The following LRRC41 variants were observed in gnomAD, a reference collection of about 807,000 sequenced individuals.
The protein encoded by LRRC41 is leucine rich repeat containing 41.
In LRRC41, 17 loss-of-function variants were observed where a neutral mutation model predicts 72.1. The ratio of observed to expected loss-of-function variants is 0.24; its 90% CI spans 0.16 to 0.35. The LOEUF is 0.35. LRRC41 is among the 10% of genes least tolerant of loss of function. The probability of loss-of-function intolerance (pLI) is 1.00; values close to 1 mark genes in which losing one functional copy is unlikely to be tolerated. For synonymous variants in LRRC41, 427 were observed against 431.0 expected, an observed-to-expected ratio of 0.99 and a Z score of 0.11; for missense variants, 759 against 1,065.0, an observed-to-expected ratio of 0.71 and a Z score of 4.00.
At position 46,302,224 on chromosome 1, in the gene LRRC41, C is replaced by A. The variant is rs1661249681; in HGVS notation, c.199+900G>T. On this transcript the variant is annotated intron_variant, in intron 1 of 9. Coordinates refer to ENST00000617190, the MANE Select transcript of LRRC41 (RefSeq NM_006369.5). This position sits in a 1 kb window ranked among gnomAD's most constrained non-coding sequence, Gnocchi z 4.7. Reference sequence around the variant, plus strand: ...AGCCCAAGGCCTCTTGGCGGCGCCGCGCCCCCTGCCACGGCAGCCCGGCAG... The same window carrying A: ...AGCCCAAGGCCTCTTGGCGGCGCCGAGCCCCCTGCCACGGCAGCCCGGCAG... 1 of 985,296 alleles carries A rather than the reference C, an allele frequency of 1.0e-6. No individual in the cohort carries two copies. The highest frequency in any genetic ancestry group is 4.7e-5 in the South Asian group (1 of 21,294). The allele number at this position is 985,296 out of a possible 1,614,324, so 61.0% of individuals were successfully genotyped here. A position where few individuals can be genotyped will look rare whatever the true frequency, so the allele number is the denominator to read the frequency against.
Position 46,277,936 on chromosome 1 carries a change from G to A in LRRC41, c.*929C>T, listed in dbSNP as rs1394442822. 6 of 1,614,022 alleles carry A rather than the reference G, an allele frequency of 3.7e-6. No individual in the cohort carries two copies. The highest frequency in any genetic ancestry group is 1.3e-5 in the African/African-American group (1 of 74,914). ...ACTTCTCTCTGGGCGAGTTGAAGGAGCTGTTTATCCTGGATGAAGCTAGCC... is the reference window on the plus strand; with the variant it reads ...ACTTCTCTCTGGGCGAGTTGAAGGAACTGTTTATCCTGGATGAAGCTAGCC... On this transcript the variant is annotated 3_prime_UTR_variant, in exon 10 of 10. Transcript: ENST00000617190.
Position 46,302,548 on chromosome 1 carries a change from C to G in LRRC41, c.199+576G>C. ...CCCGACCCTTTCGTTCGGCCTCTCC[C>G]CCTGCCCCATTCCCTCGCTCTCCAA... On this transcript the variant is annotated intron_variant, in intron 1 of 9. Transcript: ENST00000617190. The surrounding 1 kb of genome is among the most constrained non-coding windows in gnomAD (Gnocchi z 4.7). 13 of 985,400 alleles carry G rather than the reference C, an allele frequency of 1.3e-5. No homozygotes were observed. The highest frequency in any genetic ancestry group is 1.6e-5 in the Non-Finnish European group (13 of 829,900). The allele number at this position is 985,400 out of a possible 1,614,324, so 61.0% of individuals were successfully genotyped here. A position where few individuals can be genotyped will look rare whatever the true frequency, so the allele number is the denominator to read the frequency against.
chr1:46,301,768 G>T (rs565638815), intron 1 of LRRC41, among the ~76,000 whole-genome samples: 1 of 151,924 alleles, frequency 6.6e-6, no homozygotes, highest in South Asian at 2.1e-4. Context: ...ACGGCCACCC[G>T]CAAGGCCTCC....
At chr1:46,291,688 T>C (rs557918728) in intron 3 of LRRC41, among the ~76,000 whole-genome samples, 2 of 150,998 alleles carry the variant, frequency 1.3e-5, no homozygotes, top group African/African-American at 4.9e-5. Flanking sequence ...GCCTCTTGAG[T>C]AGCTGGGACT....
At chr1:46,298,531 A>T (rs1405067071) in intron 1 of LRRC41, 161 bp from the exon 2 acceptor site, 1 of 496,808 alleles carries the variant, frequency 2.0e-6, no homozygotes, top group Non-Finnish European at 3.6e-6. Flanking sequence ...TCCAAACTCT[A>T]GTCCACTTAT....
At position 46,277,856 on chromosome 1, in the gene LRRC41, C is replaced by T. The variant is rs765850609; in HGVS notation, c.*1009G>A. On this transcript the variant is annotated 3_prime_UTR_variant, in exon 10 of 10. Coordinates refer to ENST00000617190, the MANE Select transcript of LRRC41 (RefSeq NM_006369.5). ...GGAGAAGATCTTCCAGCGTCAGAGC[C>T]ACAAGAAGGCACTGAGCAGCTGTGT... 6.2e-7 allele frequency: 1 copy of T among 1,613,296 alleles called. No homozygotes were observed. Among genetic ancestry groups the T allele is most frequent in the Non-Finnish European group, 8.5e-7 (1 of 1,179,406 alleles).
At chr1:46,299,999 T>C (rs1463240071) in intron 1 of LRRC41, 1 of 152,194 alleles carries the variant, frequency 6.6e-6, no homozygotes, top group Non-Finnish European at 1.5e-5. Context: ...GCTCGCTAAA[T>C]GTTGGTGGTT....
In LRRC41 at chr1:46,302,687, C is replaced by T; in HGVS notation, c.199+437G>A. 7 of 985,410 alleles carry T rather than the reference C, an allele frequency of 7.1e-6. No homozygotes were observed. The highest frequency in any genetic ancestry group is 8.4e-6 in the Non-Finnish European group (7 of 829,918). The allele number at this position is 985,410 out of a possible 1,614,324, so 61.0% of individuals were successfully genotyped here. A position where few individuals can be genotyped will look rare whatever the true frequency, so the allele number is the denominator to read the frequency against. ...TCAGTCAGGTTCGGTGGCCCCGGGC[C>T]TGGCCTGGCCTTGCCTTAGGCCGGG... On this transcript the variant is annotated intron_variant, in intron 1 of 9. Transcript: ENST00000617190. The surrounding 1 kb of genome is among the most constrained non-coding windows in gnomAD (Gnocchi z 4.7).
chr1:46,299,179 G>C (rs1385546476), intron 1 of LRRC41: 1 of 152,220 alleles, frequency 6.6e-6, no homozygotes. Flanking sequence ...GGACAAATCT[G>C]AGTGCAATCC....
Position 46,303,454 on chromosome 1 carries a change from C to T in LRRC41, c.-132G>A, listed in dbSNP as rs1020960944. On this transcript the variant is annotated 5_prime_UTR_variant, in exon 1 of 10. Transcript: ENST00000617190. ...TCTAAAGAAATTTCGAAGAAATTAG[C>T]ACACTTTCCAAGTCTCTTAGGAGCT... 8 of 918,156 alleles carry T rather than the reference C, an allele frequency of 8.7e-6. No individual in the cohort carries two copies. Among genetic ancestry groups the T allele is most frequent in the Non-Finnish European group, 1.1e-5 (7 of 631,556 alleles). The allele number at this position is 918,156 out of a possible 1,614,324, so 56.9% of individuals were successfully genotyped here.
rs1660885187 is a variant in LRRC41 at position 46,286,403 on chromosome 1, G to T, written c.454C>A (p.Gln152Lys). 1.2e-6 allele frequency: 2 copies of T among 1,614,166 alleles called. No individual in the cohort carries two copies. The highest frequency in any genetic ancestry group is 4.5e-5 in the East Asian group (2 of 44,884). Residue 152 changes from glutamine to lysine, a missense_variant, in exon 4 of 10, where the codon CAG (glutamine) becomes AAG (lysine). Gln to Lys is a moderately conservative substitution (Grantham distance 53, BLOSUM62 1). Transcript: ENST00000617190. This position sits in a 1 kb window ranked among gnomAD's most constrained non-coding sequence, Gnocchi z 5.5. ...DVSSDRRLCD[Q>K]RFSPLLHSSR... ...CTGTGCAGAAGAGGTGAGAACCGCT[G>T]ATCACAAAGACGCCTGTCAGAAGAC... is the stretch of plus-strand genomic sequence containing the variant.
intron 3 of LRRC41, among the ~76,000 whole-genome samples, chr1:46,292,056 A>G (rs1320131017): frequency 1.3e-5 from 2 of 151,898 alleles, no homozygotes; most frequent in Non-Finnish European, 2.9e-5. Flanking sequence ...GCTTATACCT[A>G]TAATCCCAGC....
intron 3 of LRRC41, among the ~76,000 whole-genome samples, chr1:46,295,358 A>G (rs114243952): frequency 6.6e-6 from 1 of 152,292 alleles, no homozygotes; most frequent in African/African-American, 2.4e-5. Context: ...ACCGTGCCTG[A>G]CCTTACAGAT....
rs1045790894 is a variant in LRRC41 at position 46,285,033 on chromosome 1, C to A, written c.1495+329G>T. ...ACTGGTGAGGTGGTGAGGTCAAACT[C>A]TAGCCCTGCCTGAGCATGCATATAC... On this transcript the variant is annotated intron_variant, in intron 4 of 9. Transcript: ENST00000617190. This position sits in a 1 kb window ranked among gnomAD's most constrained non-coding sequence, Gnocchi z 5.3. The A allele has an allele frequency of 3.3e-6, 1 of 305,032 alleles. No individual in the cohort carries two copies. Among genetic ancestry groups the A allele is most frequent in the South Asian group, 4.7e-5 (1 of 21,356 alleles). The allele number at this position is 305,032 out of a possible 1,614,324, so 18.9% of individuals were successfully genotyped here. A position where few individuals can be genotyped will look rare whatever the true frequency, so the allele number is the denominator to read the frequency against.
At position 46,281,110 on chromosome 1, in the gene LRRC41, C is replaced by T. The variant is rs775557355; in HGVS notation, c.1756+15G>A. 1.2e-6 allele frequency: 2 copies of T among 1,613,110 alleles called. No individual in the cohort carries two copies. Among genetic ancestry groups the T allele is most frequent in the Non-Finnish European group, 1.7e-6 (2 of 1,179,450 alleles). ...ACGTGCGTGCACACACACAAACACACACACAGTGCTTCACCTGGTATCTCC... is the reference window on the plus strand; with the variant it reads ...ACGTGCGTGCACACACACAAACACATACACAGTGCTTCACCTGGTATCTCC... On this transcript the variant is annotated intron_variant, in intron 5 of 9. Coordinates refer to ENST00000617190, the MANE Select transcript of LRRC41 (RefSeq NM_006369.5).
At chr1:46,301,893 C>G in intron 1 of LRRC41, 1 of 948,542 alleles carries the variant, frequency 1.1e-6, no homozygotes, top group Non-Finnish European at 1.3e-6. Flanking sequence ...CCCGGCCTCC[C>G]GACCCCACCC....
rs754630030 is a variant in LRRC41 at position 46,279,443 on chromosome 1, C to T, written c.2143+49G>A. ...GCCTTTATCCAGTGAGTTTTTAGGT[C>T]AAAGGCCTAGCTCCTTTCCCCTCTC... On this transcript the variant is annotated intron_variant, in intron 8 of 9. Coordinates refer to ENST00000617190, the MANE Select transcript of LRRC41 (RefSeq NM_006369.5). This position sits in a 1 kb window ranked among gnomAD's most constrained non-coding sequence, Gnocchi z 4.5. The T allele has an allele frequency of 9.9e-6, 16 of 1,613,790 alleles. No individual in the cohort carries two copies. The South Asian group carries it at 1.5e-4, about 16-fold the overall frequency.
chr1:46,280,721 T>G (rs1276399305), intron 5 of LRRC41, among the ~76,000 whole-genome samples, 161 bp from the exon 6 acceptor site: 44 of 152,242 alleles, frequency 2.9e-4, no homozygotes, highest in Non-Finnish European at 1.5e-5. Context: ...TTCTAGGAAT[T>G]GAGCACTAAA....
rs535928414 is a variant in LRRC41 at position 46,282,823 on chromosome 1, G to A, written c.1496-1438C>T. Reference sequence around the variant, plus strand: ...TGAGGTAGGCAGATCACCTGAGGTCGGGAGCCCAAGACCAGCCTGGCCAAC... The same window carrying A: ...TGAGGTAGGCAGATCACCTGAGGTCAGGAGCCCAAGACCAGCCTGGCCAAC... On this transcript the variant is annotated intron_variant, in intron 4 of 9. Coordinates refer to ENST00000617190, the MANE Select transcript of LRRC41 (RefSeq NM_006369.5). 7.2e-5 allele frequency among the ~76,000 whole-genome samples: 11 copies of A among 151,988 alleles called. No homozygotes were observed. The South Asian group carries it at 1.2e-3, about 17-fold the overall frequency.
Sources: allele counts gnomAD v4.1 joint callset (sites outside exome capture counted in the v4.1 genomes callset), GRCh38; gene constraint gnomAD v4.1.1; non-coding constraint Gnocchi (gnomAD v3.1); transcripts MANE v1.5; gene names NCBI Gene and HGNC (gene_info 2026-07-23, HGNC 2026-07-21).